Variants in ZDHHC17 observed in about 807,000 individuals in gnomAD.
ZDHHC17 encodes zDHHC palmitoyltransferase 17.
ZDHHC17 carries 40 observed loss-of-function variants against 90.3 expected under a neutral mutation model. The observed-to-expected ratio is 0.44, with a 90% CI of 0.34 to 0.58. ZDHHC17 has a LOEUF of 0.58. Ranked by LOEUF, ZDHHC17 falls within the 20% of genes least tolerant of loss-of-function variation. The pLI, the probability that ZDHHC17 is intolerant of heterozygous loss-of-function variation, is 0.01. For missense variants in ZDHHC17, 614 were observed against 780.8 expected, an observed-to-expected ratio of 0.79 and a Z score of 2.55; for synonymous variants, 235 against 252.4, an observed-to-expected ratio of 0.93 and a Z score of 0.65.
chr12:76,799,482 T>C (rs377039279), intron 2 of ZDHHC17, among the ~76,000 whole-genome samples: 6 of 152,334 alleles, frequency 3.9e-5, no homozygotes, highest in East Asian at 3.9e-4. Context: ...GCTGAGGACA[T>C]GTGAATTACT....
At chr12:76,812,836 C>T (rs1432232741) in intron 5 of ZDHHC17, among the ~76,000 whole-genome samples, 2 of 152,004 alleles carry the variant, frequency 1.3e-5, no homozygotes, top group East Asian at 3.9e-4. Flanking sequence ...GTGCTCACTA[C>T]CAATTCTTTT....
intron 1 of ZDHHC17, among the ~76,000 whole-genome samples, chr12:76,783,087 T>C (rs1952645600): frequency 6.6e-6 from 1 of 152,166 alleles, no homozygotes; most frequent in South Asian, 2.1e-4. Flanking sequence ...GACTAAAGTT[T>C]GGTCAAGTAG....
intron 10 of ZDHHC17, among the ~76,000 whole-genome samples, chr12:76,836,538 G>T (rs1398405325): frequency 1.3e-5 from 2 of 151,618 alleles, no homozygotes; most frequent in Non-Finnish European, 2.9e-5. Flanking sequence ...TTCACTTTCA[G>T]TATGTTCTGT....
rs899198116 is a variant in ZDHHC17, at chr12:76,852,839, T to C, written c.*1854T>C. On this transcript the variant is annotated 3_prime_UTR_variant, in exon 17 of 17. Transcript: ENST00000426126. ...AGCATTGTGCCATTTTGTCATAGAA[T>C]GTAAAAATTGGTTAACTTTACAAAT... The C allele has an allele frequency of 6.5e-6, 1 of 152,758 alleles. No homozygotes were observed. The highest frequency in any genetic ancestry group is 2.4e-5 in the African/African-American group (1 of 41,576). The allele number at this position is 152,758 out of a possible 1,614,324, so 9.5% of individuals were successfully genotyped here. A position where few individuals can be genotyped will look rare whatever the true frequency, so the allele number is the denominator to read the frequency against.
At chr12:76,790,471 C>T (rs1459592749) in intron 1 of ZDHHC17, among the ~76,000 whole-genome samples, 1 of 152,174 alleles carries the variant, frequency 6.6e-6, no homozygotes, top group Non-Finnish European at 1.5e-5. Flanking sequence ...CACTGCACTT[C>T]AGCCTGGGTG....
At chr12:76,843,661 T>G (rs1953461767) in intron 12 of ZDHHC17, among the ~76,000 whole-genome samples, 1 of 152,112 alleles carries the variant, frequency 6.6e-6, no homozygotes, top group East Asian at 1.9e-4. Context: ...TTTTTATAAT[T>G]AGTATTTGTG....
intron 14 of ZDHHC17, 74 bp from the exon 15 acceptor site, chr12:76,848,159 T>G: frequency 6.6e-7 from 1 of 1,510,968 alleles, no homozygotes. Flanking sequence ...TTCTAAATGG[T>G]GCCAGCACAA....
In ZDHHC17 at chr12:76,819,857, G is replaced by A. The variant is rs1289439382; in HGVS notation, c.772-2549G>A. The stretch of plus-strand genomic sequence containing the variant: ...AAAAATACAAAATTAGCCGGGCGTG[G>A]TGGTACATGTCTGTAATCCCAGCTA... On this transcript the variant is annotated intron_variant, in intron 7 of 16. Coordinates refer to ENST00000426126, the MANE Select transcript of ZDHHC17 (RefSeq NM_015336.4). Among the ~76,000 whole-genome samples the A allele has an allele frequency of 2.0e-5, 3 of 152,074 alleles. No individual in the cohort carries two copies. The East Asian group carries it at 5.8e-4, about 29-fold the overall frequency.
At position 76,809,614 on chromosome 12, in the gene ZDHHC17, C is replaced by T. The variant is rs371855157; in HGVS notation, c.399-99C>T. On this transcript the variant is annotated intron_variant, in intron 4 of 16. Coordinates refer to ENST00000426126, the MANE Select transcript of ZDHHC17 (RefSeq NM_015336.4). ...TTAAAATAACTTTTCAAAATACATACGTAATCTTCCCACCATACCTTACTT... is the reference window on the plus strand; with the variant it reads ...TTAAAATAACTTTTCAAAATACATATGTAATCTTCCCACCATACCTTACTT... 442 of 972,174 alleles carry T rather than the reference C, an allele frequency of 4.5e-4. 1 individual carries two copies. The highest frequency in any genetic ancestry group is 5.9e-4 in the Non-Finnish European group (425 of 720,872). 60.2% of individuals were successfully genotyped at this position (972,174 alleles called of 1,614,324 possible).
intron 3 of ZDHHC17, among the ~76,000 whole-genome samples, chr12:76,806,425 G>A (rs1952954154): frequency 6.6e-6 from 1 of 151,966 alleles, no homozygotes; most frequent in African/African-American, 2.4e-5. Context: ...ATTATAGGCG[G>A]GTGCCAATAG....
chr12:76,764,236 C>T lies in ZDHHC17; in HGVS notation c.-1C>T, dbSNP rs756340771. 3.8e-6 allele frequency: 6 copies of T among 1,597,430 alleles called. No individual in the cohort carries two copies. On this transcript the variant is annotated 5_prime_UTR_variant, in exon 1 of 17. Coordinates refer to ENST00000426126, the MANE Select transcript of ZDHHC17 (RefSeq NM_015336.4). Reference sequence around the variant, plus strand: ...GGGAGGGTGAAACGCTTTCTCCCAGCATGCAGCGGGAGGAGGGATTTAACA... The same window carrying T: ...GGGAGGGTGAAACGCTTTCTCCCAGTATGCAGCGGGAGGAGGGATTTAACA...
chr12:76,828,249 T>G, intron 9 of ZDHHC17, 141 bp from the exon 10 acceptor site: 1 of 603,796 alleles, frequency 1.7e-6, no homozygotes, highest in Non-Finnish European at 2.6e-6. Flanking sequence ...TTGATTACTA[T>G]GAAAAATTGA....
intron 7 of ZDHHC17, among the ~76,000 whole-genome samples, chr12:76,821,929 A>G (rs977628405): frequency 2.0e-5 from 3 of 152,176 alleles, no homozygotes; most frequent in Non-Finnish European, 2.9e-5. Flanking sequence ...TGCCAGTACA[A>G]TAGTGGTAGA....
At chr12:76,777,231 T>A (rs1045014265) in intron 1 of ZDHHC17, among the ~76,000 whole-genome samples, 8 of 152,220 alleles carry the variant, frequency 5.3e-5, no homozygotes, top group African/African-American at 1.4e-4. Context: ...ACTAACCTGT[T>A]CTCCATTTCT....
chr12:76,768,745 A>G (rs1952459222), intron 1 of ZDHHC17, among the ~76,000 whole-genome samples: 1 of 152,134 alleles, frequency 6.6e-6, no homozygotes, highest in Non-Finnish European at 1.5e-5. Context: ...CAGCTCTTTG[A>G]TAGAATGAGA....
In ZDHHC17 at chr12:76,797,485, C is replaced by T. The variant is rs578131355; in HGVS notation, c.145C>T (p.Arg49Trp). ...CCATGGATATGGTGAACCTCTTGGA[C>T]GGAAAACTCATATTGATGATTACAG... ...YNHGYGEPLG[R>W]KTHIDDYSTW... is the part of the protein sequence containing the mutation. Residue 49 changes from arginine to tryptophan, a missense_variant, in exon 2 of 17, where the codon CGG becomes TGG. By Grantham distance (101) the Arg-to-Trp change is moderately radical. Transcript: ENST00000426126. The T allele has an allele frequency of 1.9e-5, 30 of 1,610,604 alleles. No individual in the cohort carries two copies. Among genetic ancestry groups the T allele is most frequent in the Admixed American group, 5.0e-5 (3 of 59,724 alleles).
intron 8 of ZDHHC17, among the ~76,000 whole-genome samples, chr12:76,823,019 G>A (rs1212791568): frequency 6.7e-6 from 1 of 149,422 alleles, no homozygotes. Context: ...GTTTCCAAGG[G>A]CTCTTACCTA....
chr12:76,846,219 G>A (rs1953493323), intron 13 of ZDHHC17: 1 of 240,292 alleles, frequency 4.2e-6, no homozygotes, highest in Admixed American at 5.1e-5. Flanking sequence ...GATTTTATGA[G>A]GTGACAGGAA....
At chr12:76,793,657 A>C (rs1228141620) in intron 1 of ZDHHC17, among the ~76,000 whole-genome samples, 1 of 152,142 alleles carries the variant, frequency 6.6e-6, no homozygotes, top group Non-Finnish European at 1.5e-5. Context: ...TATAGTAGTT[A>C]ATTGACTTGT....
Sources: allele counts gnomAD v4.1 joint callset (sites outside exome capture counted in the v4.1 genomes callset), GRCh38; gene constraint gnomAD v4.1.1; transcripts MANE v1.5; gene names NCBI Gene and HGNC (gene_info 2026-07-23, HGNC 2026-07-21).